The following NUFIP1 variants were observed in gnomAD, a reference collection of about 807,000 sequenced individuals.
The protein encoded by NUFIP1 is nuclear FMR1 interacting protein 1, also known as FMR1-interacting protein NUFIP1.
NUFIP1 carries 38 observed loss-of-function variants against 56.2 expected under a neutral mutation model. The observed-to-expected ratio is 0.68, with a 90% CI of 0.52 to 0.89. The LOEUF (loss-of-function observed/expected upper bound fraction) is 0.89, where lower values mean the gene tolerates loss of function less well. Ranked by LOEUF, NUFIP1 falls within the 40% of genes least tolerant of loss-of-function variation. The pLI is 0.00. For missense variants in NUFIP1, 567 were observed against 605.8 expected, an observed-to-expected ratio of 0.94 and a Z score of 0.67; for synonymous variants, 215 against 212.4, an observed-to-expected ratio of 1.01 and a Z score of -0.10.
At chr13:44,948,186 G>A (rs1248998007) in intron 8 of NUFIP1, among the ~76,000 whole-genome samples, 4 of 129,730 alleles carry the variant, frequency 3.1e-5, no homozygotes, top group African/African-American at 1.3e-4. Flanking sequence ...ACTGTCACCC[G>A]GGCTGGAGTA....
chr13:44,955,111 A>T (rs1022575765), intron 7 of NUFIP1, among the ~76,000 whole-genome samples: 2 of 152,240 alleles, frequency 1.3e-5, no homozygotes, highest in Admixed American at 6.5e-5. Context: ...AAACAATGGC[A>T]ACAAAATGAA....
chr13:44,962,998 T>C (rs1158309809), intron 6 of NUFIP1, among the ~76,000 whole-genome samples: 1 of 152,114 alleles, frequency 6.6e-6, no homozygotes, highest in Admixed American at 6.5e-5. Flanking sequence ...CAAAATTTCC[T>C]AACCCGTTTC....
intron 7 of NUFIP1, among the ~76,000 whole-genome samples, chr13:44,954,590 A>G (rs1205278382): frequency 6.6e-6 from 1 of 152,040 alleles, no homozygotes; most frequent in Non-Finnish European, 1.5e-5. Context: ...CCTGTAACTT[A>G]TTTCTTTACT....
chr13:44,953,914 T>G (rs1871151377), intron 7 of NUFIP1, among the ~76,000 whole-genome samples: 1 of 152,184 alleles, frequency 6.6e-6, no homozygotes, highest in African/African-American at 2.4e-5. Flanking sequence ...CTCCACTCAG[T>G]TAAATGTTTA....
intron 1 of NUFIP1, among the ~76,000 whole-genome samples, chr13:44,983,974 C>T (rs1872291709): frequency 6.6e-6 from 1 of 152,176 alleles, no homozygotes; most frequent in Non-Finnish European, 1.5e-5. Flanking sequence ...CCCAACAGGT[C>T]ATACTCTGTT....
chr13:44,946,649 C>T (rs1462198723), intron 8 of NUFIP1, among the ~76,000 whole-genome samples: 3 of 152,076 alleles, frequency 2.0e-5, no homozygotes, highest in African/African-American at 7.2e-5. Context: ...AAATGCTATC[C>T]ATGTTTAAGA....
intron 1 of NUFIP1, among the ~76,000 whole-genome samples, chr13:44,983,618 G>A (rs1424055715): frequency 6.6e-6 from 1 of 152,110 alleles, no homozygotes; most frequent in South Asian, 2.1e-4. Context: ...GCAGCCTGGC[G>A]AAACTCTGTC....
At chr13:44,973,909 C>T (rs377638423) in intron 5 of NUFIP1, among the ~76,000 whole-genome samples, 28 of 152,208 alleles carry the variant, frequency 1.8e-4, no homozygotes, top group African/African-American at 6.7e-4. Flanking sequence ...AGACAAAAAG[C>T]CCCTATAAGC....
chr13:44,972,104 G>A (rs1416857199), intron 5 of NUFIP1, among the ~76,000 whole-genome samples: 2 of 152,158 alleles, frequency 1.3e-5, no homozygotes, highest in African/African-American at 2.4e-5. Context: ...CAGTTTGGCA[G>A]TTTCTCATAA....
At chr13:44,950,509 CT>C (rs1371470472) in intron 7 of NUFIP1, among the ~76,000 whole-genome samples, 1 of 152,124 alleles carries the variant, frequency 6.6e-6, no homozygotes, top group African/African-American at 2.4e-5. Flanking sequence ...CTATGCCCAG[CT>C]AATTTTTTGT....
At chr13:44,957,300 C>T (rs1273186717) in intron 7 of NUFIP1, among the ~76,000 whole-genome samples, 1 of 152,196 alleles carries the variant, frequency 6.6e-6, no homozygotes, top group Non-Finnish European at 1.5e-5. Context: ...CAACCTCCAC[C>T]TCGGGGGTTC....
intron 8 of NUFIP1, 130 bp from the exon 9 acceptor site, chr13:44,943,804 A>G: frequency 5.6e-6 from 4 of 717,434 alleles, no homozygotes; most frequent in Non-Finnish European, 4.5e-6. Flanking sequence ...ACTTAAAACT[A>G]TGAAAGATTT....
Position 44,940,888 on chromosome 13 carries a change from C to T in NUFIP1, c.*318G>A, listed in dbSNP as rs1292071854. On this transcript the variant is annotated 3_prime_UTR_variant, in exon 10 of 10. Transcript: ENST00000379161. ...AAAAGCTTTCTTCTTTACTGCTAAA[C>T]CTATCTTCAATTCTTAACTAACACA... 1.1e-5 allele frequency: 2 copies of T among 178,806 alleles called. No individual in the cohort carries two copies. Among genetic ancestry groups the T allele is most frequent in the Non-Finnish European group, 2.3e-5 (2 of 86,068 alleles). The allele number at this position is 178,806 out of a possible 1,614,324, so 11.1% of individuals were successfully genotyped here.
intron 8 of NUFIP1, among the ~76,000 whole-genome samples, chr13:44,944,086 A>C (rs1870837449): frequency 6.6e-6 from 1 of 152,216 alleles, no homozygotes. Flanking sequence ...CTATAGAAAT[A>C]AAATCTCTGA....
rs1328132337 is a variant in NUFIP1, at chr13:44,939,577, T to C, written c.*1629A>G. ...TACAAATATTGACCATATAATTCCATAAAGTAGAAACCATACAGGCTATAT... is the reference window on the plus strand; with the variant it reads ...TACAAATATTGACCATATAATTCCACAAAGTAGAAACCATACAGGCTATAT... On this transcript the variant is annotated 3_prime_UTR_variant, in exon 10 of 10. Transcript: ENST00000379161. 1.3e-5 allele frequency: 2 copies of C among 152,130 alleles called. No individual in the cohort carries two copies. Among genetic ancestry groups the C allele is most frequent in the African/African-American group, 4.8e-5 (2 of 41,414 alleles). The allele number at this position is 152,130 out of a possible 1,614,324, so 9.4% of individuals were successfully genotyped here.
intron 7 of NUFIP1, among the ~76,000 whole-genome samples, chr13:44,952,966 T>C (rs1281094942): frequency 2.6e-5 from 4 of 152,210 alleles, no homozygotes; most frequent in Non-Finnish European, 5.9e-5. Context: ...TCTGACATTT[T>C]TGAAGATTAG....
intron 5 of NUFIP1, among the ~76,000 whole-genome samples, chr13:44,974,669 G>A (rs982535003): frequency 3.9e-5 from 6 of 152,202 alleles, no homozygotes; most frequent in Admixed American, 2.6e-4. Context: ...TTCCTGCCTC[G>A]GTCTCCTGAG....
rs1279452687 is a variant in NUFIP1, at chr13:44,967,476, T to A, written c.735-1540A>T. Among the ~76,000 whole-genome samples, 5 of 151,668 alleles carry A rather than the reference T, an allele frequency of 3.3e-5. No individual in the cohort carries two copies. The South Asian group carries it at 1.0e-3, about 32-fold the overall frequency. ...TGAGCTGAGATCACGCCACTGCACT[T>A]CAGCCTGGGCGACACAGAAAGACTC... is the stretch of plus-strand genomic sequence containing the variant. On this transcript the variant is annotated intron_variant, in intron 5 of 9. Coordinates refer to ENST00000379161, the MANE Select transcript of NUFIP1 (RefSeq NM_012345.3).
intron 7 of NUFIP1, among the ~76,000 whole-genome samples, chr13:44,958,523 A>G (rs1385135796): frequency 2.6e-5 from 4 of 152,172 alleles, no homozygotes; most frequent in Non-Finnish European, 5.9e-5. Context: ...AATTCAGTCA[A>G]CGAATTAGTT....
Sources: allele counts gnomAD v4.1 joint callset (sites outside exome capture counted in the v4.1 genomes callset), GRCh38; gene constraint gnomAD v4.1.1; transcripts MANE v1.5; gene names NCBI Gene and HGNC (gene_info 2026-07-23, HGNC 2026-07-21).